Variants in FSTL5 observed in about 807,000 individuals in gnomAD.
FSTL5 encodes the protein follistatin-related protein 5.
A neutral mutation model predicts 89.1 loss-of-function variants in FSTL5; 62 were observed. The ratio of observed to expected loss-of-function variants is 0.70; its 90% confidence interval spans 0.57 to 0.86. The LOEUF (loss-of-function observed/expected upper bound fraction) is 0.86. FSTL5 is among the 40% of genes least tolerant of loss of function. The probability of loss-of-function intolerance (pLI) is 0.00; values close to 1 mark genes in which losing one functional copy is unlikely to be tolerated. For synonymous variants in FSTL5, 383 were observed against 346.2 expected, an observed-to-expected ratio of 1.11 and a Z score of -1.18; for missense variants, 1,057 against 1,001.6, an observed-to-expected ratio of 1.06 and a Z score of -0.75.
chr4:161,547,533 TAGATGAAAAA>T, intron 8 of FSTL5, among the ~76,000 whole-genome samples: 1 of 151,938 alleles, frequency 6.6e-6, no homozygotes, highest in South Asian at 2.1e-4. Flanking sequence ...CTCATGAAAA[TAGATGAAAAA>T]TTCCCGTATA....
At chr4:161,725,829 G>A (rs1216922687) in intron 6 of FSTL5, among the ~76,000 whole-genome samples, 6 of 152,132 alleles carry the variant, frequency 3.9e-5, no homozygotes, top group African/African-American at 1.4e-4. Context: ...TGAGGTAGGA[G>A]GTATTATTAG....
chr4:161,480,917 G>A, intron 13 of FSTL5, 103 bp downstream of exon 13: 2 of 745,802 alleles, frequency 2.7e-6, no homozygotes, highest in Non-Finnish European at 4.3e-6. Flanking sequence ...TCCAAGTAAG[G>A]AAACACATTA....
chr4:161,731,130 T>C (rs1288356134), intron 6 of FSTL5, among the ~76,000 whole-genome samples: 2 of 152,230 alleles, frequency 1.3e-5, no homozygotes, highest in Non-Finnish European at 2.9e-5. Flanking sequence ...TGATGTAGGC[T>C]AAACTGCACA....
intron 1 of FSTL5, among the ~76,000 whole-genome samples, chr4:162,139,477 C>CACACAT (rs939442189): frequency 2.6e-5 from 4 of 151,908 alleles, no homozygotes; most frequent in Non-Finnish European, 5.9e-5. Flanking sequence ...CACACAAACA[C>CACACAT]ACACATACAC....
intron 6 of FSTL5, among the ~76,000 whole-genome samples, chr4:161,758,566 T>G (rs566159506): frequency 1.0e-3 from 159 of 152,336 alleles, no homozygotes; most frequent in African/African-American, 3.3e-3. Context: ...TCACCCAGGC[T>G]GGACTGCAAT....
At chr4:161,838,340 G>A (rs569938187) in intron 4 of FSTL5, among the ~76,000 whole-genome samples, 3 of 152,246 alleles carry the variant, frequency 2.0e-5, no homozygotes, top group African/African-American at 7.2e-5. Flanking sequence ...GCGCAGAGGC[G>A]TGATCTCAGA....
intron 4 of FSTL5, among the ~76,000 whole-genome samples, chr4:161,834,355 G>A (rs1458720277): frequency 1.3e-5 from 2 of 152,060 alleles, no homozygotes; most frequent in African/African-American, 4.8e-5. Flanking sequence ...ATACTGAATG[G>A]GCAAAAACTG....
chr4:161,707,021 G>A, intron 6 of FSTL5, among the ~76,000 whole-genome samples: 1 of 151,624 alleles, frequency 6.6e-6, no homozygotes, highest in Admixed American at 6.6e-5. Context: ...TATTCAGACT[G>A]TAGTTAGAGT....
rs370651807 is a variant in FSTL5 at position 161,959,951 on chromosome 4, T to C, written c.161-39299A>G. ...CCTATTCCTGTCAAGACATAGCAAG[T>C]ATTTCAAAGCATTTTCAGACCTCAA... is the stretch of plus-strand genomic sequence containing the variant. On this transcript the variant is annotated intron_variant, in intron 3 of 15. Coordinates refer to ENST00000306100, the MANE Select transcript of FSTL5 (RefSeq NM_020116.5). Among the ~76,000 whole-genome samples, 16 of 152,110 alleles carry C rather than the reference T, an allele frequency of 1.1e-4. No individual in the cohort carries two copies. In the East Asian group the frequency reaches 1.2e-3, roughly 11 times the overall value.
chr4:161,478,690 C>T (rs1222509068), intron 13 of FSTL5, among the ~76,000 whole-genome samples: 1 of 151,356 alleles, frequency 6.6e-6, no homozygotes, highest in African/African-American at 2.4e-5. Context: ...TCTTCTTGTT[C>T]AAATACACAG....
Position 161,443,826 on chromosome 4 carries a change from A to G in FSTL5, c.1841+11178T>C, listed in dbSNP as rs552801589. On this transcript the variant is annotated intron_variant, in intron 15 of 15. Coordinates refer to ENST00000306100, the MANE Select transcript of FSTL5 (RefSeq NM_020116.5). Reference sequence around the variant, plus strand: ...ACAAAATGAGTAATTATGTGAAAGCAGGAAAGTATAGGGGCTACTCAGGTT... The same window carrying G: ...ACAAAATGAGTAATTATGTGAAAGCGGGAAAGTATAGGGGCTACTCAGGTT... 2.4e-4 allele frequency among the ~76,000 whole-genome samples: 37 copies of G among 152,064 alleles called. No homozygotes were observed. In the East Asian group the frequency reaches 6.0e-3, roughly 25 times the overall value.
intron 12 of FSTL5, among the ~76,000 whole-genome samples, chr4:161,483,954 T>G (rs1476092355): frequency 2.0e-5 from 3 of 152,132 alleles, no homozygotes; most frequent in Non-Finnish European, 4.4e-5. Flanking sequence ...TAATTAGAAT[T>G]TATTTCTTTT....
intron 2 of FSTL5, among the ~76,000 whole-genome samples, chr4:162,074,764 T>C (rs1159454429): frequency 6.6e-5 from 10 of 151,902 alleles, no homozygotes; most frequent in African/African-American, 2.4e-4. Flanking sequence ...CAGACGCTCC[T>C]TACCTTACGA....
intron 6 of FSTL5, among the ~76,000 whole-genome samples, chr4:161,729,103 T>A (rs565587668): frequency 6.6e-6 from 1 of 152,252 alleles, no homozygotes; most frequent in East Asian, 1.9e-4. Context: ...GGCTCTCAAC[T>A]CAAAGGGCAG....
intron 4 of FSTL5, among the ~76,000 whole-genome samples, chr4:161,863,973 G>C (rs1731999686): frequency 6.6e-6 from 1 of 152,126 alleles, no homozygotes; most frequent in Admixed American, 6.5e-5. Context: ...TATTGTTTTT[G>C]TTGACATTTG....
Position 161,546,378 on chromosome 4 carries a change from G to C in FSTL5, c.1016-3685C>G, listed in dbSNP as rs1010874218. 9.3e-5 allele frequency among the ~76,000 whole-genome samples: 13 copies of C among 140,466 alleles called. No individual in the cohort carries two copies. The South Asian group carries it at 1.5e-3, about 16-fold the overall frequency. The allele number at this position is 140,466 out of a possible 152,430, so 92.2% of individuals were successfully genotyped here. A position where few individuals can be genotyped will look rare whatever the true frequency, so the allele number is the denominator to read the frequency against. ...TTGTGATATTCTCAGTTCTGTGTAA[G>C]ACATTAAATCAGTGATTCCAAAAGC... is the stretch of plus-strand genomic sequence containing the variant. On this transcript the variant is annotated intron_variant, in intron 8 of 15. Transcript: ENST00000306100.
chr4:161,440,673 A>C (rs2126366499), intron 15 of FSTL5, among the ~76,000 whole-genome samples: 1 of 152,232 alleles, frequency 6.6e-6, no homozygotes, highest in South Asian at 2.1e-4. Flanking sequence ...CTAGATAATC[A>C]CACATCTCAA....
At chr4:162,101,446 T>C (rs990964272) in intron 2 of FSTL5, among the ~76,000 whole-genome samples, 3 of 152,168 alleles carry the variant, frequency 2.0e-5, no homozygotes, top group African/African-American at 7.2e-5. Context: ...AAGCATTAAT[T>C]TGAGGAGACA....
chr4:162,155,072 C>A (rs1733413195), intron 1 of FSTL5, among the ~76,000 whole-genome samples: 1 of 152,184 alleles, frequency 6.6e-6, no homozygotes, highest in Non-Finnish European at 1.5e-5. Context: ...GTATAATCAC[C>A]TCACCTTGTG....
Sources: gnomAD v4.1 joint callset for allele counts (sites outside exome capture counted in the v4.1 genomes callset) on GRCh38, gnomAD v4.1.1 for gene constraint, MANE v1.5 for transcripts, NCBI Gene and HGNC (gene_info 2026-07-23, HGNC 2026-07-21) for gene names.